DLGAP1: variants seen among roughly 807,000 people sequenced by gnomAD.
DLGAP1 encodes disks large-associated protein 1.
DLGAP1 carries 11 observed loss-of-function variants against 90.8 expected under a neutral mutation model. The ratio of observed to expected loss-of-function variants is 0.12; its 90% CI spans 0.08 to 0.20. DLGAP1 has a LOEUF of 0.20. Ranked by LOEUF, DLGAP1 falls within the 10% of genes least tolerant of loss-of-function variation. The pLI is 1.00. For synonymous variants in DLGAP1, 558 were observed against 540.7 expected, an observed-to-expected ratio of 1.03 and a Z score of -0.44; for missense variants, 1,050 against 1,333.8, an observed-to-expected ratio of 0.79 and a Z score of 3.31.
At chr18:3,581,769 T>G in intron 8 of DLGAP1, 106 bp downstream of exon 8, 2 of 1,456,894 alleles carry the variant, frequency 1.4e-6, no homozygotes, top group Non-Finnish European at 1.9e-6. Context: ...TATGCATAGA[T>G]CTATGATTCC....
At chr18:3,801,395 C>T (rs1354659361) in intron 5 of DLGAP1, among the ~76,000 whole-genome samples, 1 of 152,204 alleles carries the variant, frequency 6.6e-6, no homozygotes, top group Non-Finnish European at 1.5e-5. Flanking sequence ...TTCCCTGCAG[C>T]AGTACAACTT....
At chr18:3,736,241 T>C (rs1407371106) in intron 6 of DLGAP1, among the ~76,000 whole-genome samples, 3 of 152,222 alleles carry the variant, frequency 2.0e-5, no homozygotes, top group Admixed American at 6.5e-5. Flanking sequence ...TTTTAAAATA[T>C]TGGACTTTCT....
At chr18:3,610,543 G>C (rs893871019) in intron 7 of DLGAP1, among the ~76,000 whole-genome samples, 2 of 152,042 alleles carry the variant, frequency 1.3e-5, no homozygotes, top group Non-Finnish European at 2.9e-5. Flanking sequence ...TGGTATAAAA[G>C]CATCAACTCA....
intron 1 of DLGAP1, among the ~76,000 whole-genome samples, chr18:4,272,963 G>A (rs1477279072): frequency 6.6e-6 from 1 of 152,140 alleles, no homozygotes; most frequent in Non-Finnish European, 1.5e-5. Flanking sequence ...TGAACAGTAA[G>A]GATTGCTGGG....
At chr18:4,108,159 A>C (rs906251819) in intron 2 of DLGAP1, among the ~76,000 whole-genome samples, 13 of 152,164 alleles carry the variant, frequency 8.5e-5, no homozygotes, top group African/African-American at 3.1e-4. Flanking sequence ...AGGTCATAAA[A>C]CACAGGAAGA....
At chr18:3,614,084 G>A (rs1235638704) in intron 7 of DLGAP1, among the ~76,000 whole-genome samples, 1 of 152,024 alleles carries the variant, frequency 6.6e-6, no homozygotes, top group Admixed American at 6.6e-5. Flanking sequence ...ACCACACCCG[G>A]CTAAAGTTTG....
At chr18:3,787,790 AG>A (rs1472508545) in intron 5 of DLGAP1, among the ~76,000 whole-genome samples, 1 of 152,184 alleles carries the variant, frequency 6.6e-6, no homozygotes, top group Admixed American at 6.5e-5. Context: ...GTCGAACTGA[AG>A]AAGGCTCTCA....
rs73372547 is a variant in DLGAP1 at position 3,798,608 on chromosome 18, G to A, written c.1172+15451C>T. Among the ~76,000 whole-genome samples, 244 of 152,256 alleles carry A rather than the reference G, an allele frequency of 1.6e-3. 1 individual carries two copies. The highest frequency in any genetic ancestry group is 5.2e-3 in the African/African-American group (217 of 41,558). Reference sequence around the variant, plus strand: ...TGGTTGAGTACCCTGGTCTCTGAGCGTATCTGTTTCTATGGTTTTATCGTT... The same window carrying A: ...TGGTTGAGTACCCTGGTCTCTGAGCATATCTGTTTCTATGGTTTTATCGTT... On this transcript the variant is annotated intron_variant, in intron 5 of 12. Transcript: ENST00000315677.
In DLGAP1 at chr18:4,037,279, T is replaced by C. The variant is rs7231969; in HGVS notation, c.-158-32078A>G. ...AAGTTAATAATTAATATTATTAATA[T>C]GGATAGATGGATATGGAGTCTATAC... On this transcript the variant is annotated intron_variant, in intron 2 of 12. Coordinates refer to ENST00000315677, the MANE Select transcript of DLGAP1 (RefSeq NM_004746.4). Among the ~76,000 whole-genome samples, 839 of 152,272 alleles carry C rather than the reference T, an allele frequency of 5.5e-3. 11 individuals carry two copies. The highest frequency in any genetic ancestry group is 0.019 in the African/African-American group (781 of 41,562).
chr18:4,294,770 G>A (rs1487560565), intron 1 of DLGAP1: 1 of 152,360 alleles, frequency 6.6e-6, no homozygotes, highest in Admixed American at 6.5e-5. Context: ...AGGTGACACA[G>A]GGACTTGAAG....
chr18:4,024,238 A>G (rs532965221), intron 2 of DLGAP1, among the ~76,000 whole-genome samples: 35 of 152,340 alleles, frequency 2.3e-4, no homozygotes, highest in African/African-American at 8.2e-4. Flanking sequence ...TGTCAAAGAC[A>G]AAGTATTAGC....
intron 5 of DLGAP1, 87 bp downstream of exon 5, chr18:3,813,972 C>T: frequency 7.4e-7 from 1 of 1,346,968 alleles, no homozygotes; most frequent in South Asian, 1.2e-5. Flanking sequence ...TGTTTCTGCC[C>T]CACTTACTCT....
chr18:4,122,966 C>T (rs1487794366), intron 2 of DLGAP1, among the ~76,000 whole-genome samples: 2 of 152,170 alleles, frequency 1.3e-5, no homozygotes, highest in African/African-American at 2.4e-5. Context: ...ATTTGCTTCT[C>T]ACTCCATTGC....
intron 1 of DLGAP1, among the ~76,000 whole-genome samples, chr18:4,300,949 C>T: frequency 6.6e-6 from 1 of 152,186 alleles, no homozygotes; most frequent in Non-Finnish European, 1.5e-5. Context: ...ATTCACTTGA[C>T]TTCTGATCAT....
intron 1 of DLGAP1, among the ~76,000 whole-genome samples, chr18:4,303,184 C>T (rs961346310): frequency 1.3e-5 from 2 of 152,064 alleles, no homozygotes; most frequent in African/African-American, 2.4e-5. Flanking sequence ...AGTCTGATAT[C>T]GATAGCTTCA....
intron 9 of DLGAP1, among the ~76,000 whole-genome samples, chr18:3,550,330 A>G (rs902849673): frequency 2.0e-5 from 3 of 152,092 alleles, no homozygotes; most frequent in Non-Finnish European, 4.4e-5. Context: ...AGCTCAAGCC[A>G]TCCTCCTACC....
At chr18:4,322,943 G>GAAAAAAAAAAAAAAAAAAA (rs60113288) in intron 1 of DLGAP1, among the ~76,000 whole-genome samples, 2 of 97,602 alleles carry the variant, frequency 2.0e-5, no homozygotes, top group Non-Finnish European at 1.9e-5. Flanking sequence ...CCTGGGCACA[G>GAAAAAAAAAAAAAAAAAAA]AAAAAAAAAA....
chr18:3,932,262 T>G (rs1183391824), intron 3 of DLGAP1, among the ~76,000 whole-genome samples: 1 of 152,160 alleles, frequency 6.6e-6, no homozygotes, highest in Non-Finnish European at 1.5e-5. Flanking sequence ...TACACACATA[T>G]AGCCCAGGCC....
chr18:3,526,790 T>C lies in DLGAP1; in HGVS notation c.2479+7404A>G, dbSNP rs1408141000. ...CCGGTTAGATAATACCAGACGTATC[T>C]ATGTAACATACAAGCCACTGTCAAA... On this transcript the variant is annotated intron_variant, in intron 10 of 12. Transcript: ENST00000315677. The surrounding 1 kb of genome is among the most constrained non-coding windows in gnomAD (Gnocchi z 4.7). Among the ~76,000 whole-genome samples the C allele has an allele frequency of 6.6e-6, 1 of 152,210 alleles. No homozygotes were observed. Among genetic ancestry groups the C allele is most frequent in the African/African-American group, 2.4e-5 (1 of 41,454 alleles).
Sources: allele counts gnomAD v4.1 joint callset (sites outside exome capture counted in the v4.1 genomes callset), GRCh38; gene constraint gnomAD v4.1.1; non-coding constraint Gnocchi (gnomAD v3.1); transcripts MANE v1.5; gene names NCBI Gene and HGNC (gene_info 2026-07-23, HGNC 2026-07-21).